BCL2: variants seen among roughly 807,000 people sequenced by gnomAD.
BCL2 encodes the protein BCL2 apoptosis regulator, also known as apoptosis regulator Bcl-2.
Under a neutral mutation model 14.2 loss-of-function variants are expected in BCL2, and 1 was observed. The observed-to-expected ratio is 0.07, with a 90% CI of 0.02 to 0.33. BCL2 has a LOEUF of 0.33. Ranked by LOEUF, BCL2 falls within the 10% of genes least tolerant of loss-of-function variation. BCL2 has a pLI of 0.99. For synonymous variants in BCL2, 151 were observed against 137.2 expected, an observed-to-expected ratio of 1.10 and a Z score of -0.70; for missense variants, 247 against 305.9, an observed-to-expected ratio of 0.81 and a Z score of 1.44.
chr18:63,296,481 T>C (rs949110021), intron 2 of BCL2, among the ~76,000 whole-genome samples: 1 of 152,164 alleles, frequency 6.6e-6, no homozygotes, highest in South Asian at 2.1e-4. Flanking sequence ...TTGTTTTGTG[T>C]TTTGTAGAGG....
intron 2 of BCL2, chr18:63,317,457 C>T: frequency 1.2e-6 from 1 of 831,674 alleles, no homozygotes; most frequent in Non-Finnish European, 1.4e-6. Context: ...CTGGAGATTC[C>T]AGTCCAAGGA....
intron 2 of BCL2, among the ~76,000 whole-genome samples, chr18:63,171,944 G>T (rs1242048993): frequency 6.6e-6 from 1 of 152,186 alleles, no homozygotes; most frequent in African/African-American, 2.4e-5. Context: ...TCACACCACT[G>T]CACTCCAGCC....
At chr18:63,128,982 T>TA (rs1308103865) in intron 2 of BCL2, among the ~76,000 whole-genome samples, 1 of 152,210 alleles carries the variant, frequency 6.6e-6, no homozygotes, top group Non-Finnish European at 1.5e-5. Flanking sequence ...CCAGCCATCT[T>TA]AGAGATACAG....
intron 2 of BCL2, among the ~76,000 whole-genome samples, chr18:63,193,715 T>G (rs1478439068): frequency 1.3e-5 from 2 of 151,768 alleles, no homozygotes; most frequent in African/African-American, 4.8e-5. Flanking sequence ...GAAATGACAT[T>G]CCTTGATATA....
intron 2 of BCL2, among the ~76,000 whole-genome samples, chr18:63,156,664 G>A (rs1382845946): frequency 5.9e-5 from 9 of 152,156 alleles, no homozygotes; most frequent in Non-Finnish European, 8.8e-5. Flanking sequence ...AGAAACAGAA[G>A]CTTCTTTCAG....
Position 63,186,940 on chromosome 18 carries a change from C to T in BCL2, c.586-58181G>A, listed in dbSNP as rs535616509. Among the ~76,000 whole-genome samples, 12 of 152,298 alleles carry T rather than the reference C, an allele frequency of 7.9e-5. No homozygotes were observed. The South Asian group carries it at 2.5e-3, about 32-fold the overall frequency. ...AATAAAAATAGCCAACTGCTTAGCC[C>T]ACAGCTGGGGCATTCTGTTTTCTTT... On this transcript the variant is annotated intron_variant, in intron 2 of 2. Coordinates refer to ENST00000333681, the MANE Select transcript of BCL2 (RefSeq NM_000633.3).
chr18:63,261,791 CTTTTTTT>C (rs10597397), intron 2 of BCL2, among the ~76,000 whole-genome samples: 5,735 of 143,710 alleles, frequency 0.04, 170 homozygotes, highest in South Asian at 0.084. Context: ...GTTATTTTTT[CTTTTTTT>C]TTTTTTATTT....
chr18:63,147,964 C>A (rs1318263268), intron 2 of BCL2, among the ~76,000 whole-genome samples: 1 of 152,290 alleles, frequency 6.6e-6, no homozygotes, highest in East Asian at 1.9e-4. Flanking sequence ...ACATTTAAGT[C>A]TTTTCTCAGA....
chr18:63,125,153 G>A lies in BCL2; in HGVS notation c.*3472C>T, dbSNP rs1482784463. 1 of 221,908 alleles carries A rather than the reference G, an allele frequency of 4.5e-6. No homozygotes were observed. Among genetic ancestry groups the A allele is most frequent in the Non-Finnish European group, 9.0e-6 (1 of 111,062 alleles). The allele number at this position is 221,908 out of a possible 1,614,324, so 13.7% of individuals were successfully genotyped here. On this transcript the variant is annotated 3_prime_UTR_variant, in exon 3 of 3. Transcript: ENST00000333681. ...TCCTAATTTTTCCCACTGGGCCAGA[G>A]CTACATCTTTAGATGATAAGCATTT...
intron 2 of BCL2, among the ~76,000 whole-genome samples, chr18:63,272,841 C>T (rs1912042621): frequency 6.6e-6 from 1 of 152,152 alleles, no homozygotes; most frequent in Non-Finnish European, 1.5e-5. Context: ...CTATCTGAGA[C>T]AGCAGACTCC....
At chr18:63,160,332 T>C (rs376744538) in intron 2 of BCL2, among the ~76,000 whole-genome samples, 7 of 152,226 alleles carry the variant, frequency 4.6e-5, no homozygotes, top group African/African-American at 1.7e-4. Flanking sequence ...GACAGGCACG[T>C]GGGCCCCTCT....
intron 2 of BCL2, among the ~76,000 whole-genome samples, chr18:63,171,754 T>A (rs1015273269): frequency 1.3e-5 from 2 of 152,174 alleles, no homozygotes; most frequent in African/African-American, 2.4e-5. Flanking sequence ...GCTGGAGGAT[T>A]CCTTGAGCCT....
intron 2 of BCL2, chr18:63,317,878 A>G (rs1913545172): frequency 2.1e-6 from 3 of 1,416,484 alleles, no homozygotes; most frequent in Admixed American, 3.0e-5. Flanking sequence ...CAAGTTAAAG[A>G]CTTTTAGATG....
chr18:63,267,052 A>G (rs1013868508), intron 2 of BCL2, among the ~76,000 whole-genome samples: 1 of 152,152 alleles, frequency 6.6e-6, no homozygotes, highest in African/African-American at 2.4e-5. Context: ...TGGCTTGTGC[A>G]AAGGTCAGGA....
intron 2 of BCL2, among the ~76,000 whole-genome samples, chr18:63,165,513 C>T (rs548183420): frequency 2.0e-5 from 3 of 152,222 alleles, no homozygotes; most frequent in Non-Finnish European, 4.4e-5. Flanking sequence ...GCTGCTTCTG[C>T]TTCCATACCC....
At chr18:63,285,359 T>C (rs766245217) in intron 2 of BCL2, among the ~76,000 whole-genome samples, 2 of 152,172 alleles carry the variant, frequency 1.3e-5, no homozygotes, top group Non-Finnish European at 2.9e-5. Context: ...CTTCTCTCTC[T>C]GGCTGACCTC....
intron 2 of BCL2, among the ~76,000 whole-genome samples, chr18:63,289,763 G>A (rs1160295209): frequency 1.3e-5 from 2 of 152,088 alleles, no homozygotes; most frequent in East Asian, 3.9e-4. Context: ...GCATGGTGGT[G>A]CATGCCTGTA....
At chr18:63,134,634 C>T (rs970747034) in intron 2 of BCL2, among the ~76,000 whole-genome samples, 1 of 152,150 alleles carries the variant, frequency 6.6e-6, no homozygotes, top group African/African-American at 2.4e-5. Flanking sequence ...TGCATGCAGA[C>T]GTTATACAAT....
intron 2 of BCL2, among the ~76,000 whole-genome samples, chr18:63,246,489 G>A: frequency 6.6e-6 from 1 of 152,150 alleles, no homozygotes; most frequent in East Asian, 1.9e-4. Context: ...CAGAACTTGT[G>A]CAGGCAAACT....
Sources: allele counts gnomAD v4.1 joint callset (sites outside exome capture counted in the v4.1 genomes callset), GRCh38; gene constraint gnomAD v4.1.1; transcripts MANE v1.5; gene names NCBI Gene and HGNC (gene_info 2026-07-23, HGNC 2026-07-21).